Variants in ZBTB7C observed in about 807,000 individuals in gnomAD.
The protein encoded by ZBTB7C is zinc finger and BTB domain containing 7C.
Under a neutral mutation model 25.7 loss-of-function variants are expected in ZBTB7C, and 8 were observed. The ratio of observed to expected loss-of-function variants is 0.31; its 90% confidence interval spans 0.18 to 0.56. The LOEUF (loss-of-function observed/expected upper bound fraction) is 0.56. ZBTB7C is among the 20% of genes least tolerant of loss of function. The probability of loss-of-function intolerance (pLI) is 0.91; values close to 1 mark genes in which losing one functional copy is unlikely to be tolerated. For missense variants in ZBTB7C, 824 were observed against 855.2 expected, an observed-to-expected ratio of 0.96 and a Z score of 0.46; for synonymous variants, 394 against 369.0, an observed-to-expected ratio of 1.07 and a Z score of -0.78.
intron 3 of ZBTB7C, among the ~76,000 whole-genome samples, chr18:48,127,637 C>T (rs1312390524): frequency 1.3e-5 from 2 of 152,216 alleles, no homozygotes; most frequent in African/African-American, 2.4e-5. Flanking sequence ...CTGTTCTCCC[C>T]TCGGTTCTCC....
intron 2 of ZBTB7C, among the ~76,000 whole-genome samples, chr18:48,236,887 A>G (rs531045196): frequency 6.6e-6 from 1 of 152,340 alleles, no homozygotes; most frequent in African/African-American, 2.4e-5. Context: ...TAATATGGGA[A>G]TTAGTCATAA....
intron 2 of ZBTB7C, among the ~76,000 whole-genome samples, chr18:48,276,804 G>C (rs1220079376): frequency 1.1e-4 from 12 of 105,826 alleles, no homozygotes; most frequent in Non-Finnish European, 2.3e-4. Flanking sequence ...ATAGTCATTT[G>C]GGTATATACC....
chr18:48,063,331 C>G (rs1012164181), intron 3 of ZBTB7C, among the ~76,000 whole-genome samples: 1 of 152,240 alleles, frequency 6.6e-6, no homozygotes, highest in African/African-American at 2.4e-5. Context: ...CCCTTGAGGT[C>G]CTGTCCTGTC....
At chr18:48,388,602 A>G (rs535403622) in intron 1 of ZBTB7C, among the ~76,000 whole-genome samples, 2 of 152,330 alleles carry the variant, frequency 1.3e-5, no homozygotes, top group South Asian at 4.1e-4. Flanking sequence ...TTAAACTGAC[A>G]GCCAGGCGCG....
chr18:48,328,741 T>A (rs530739249), intron 2 of ZBTB7C, among the ~76,000 whole-genome samples: 2 of 151,978 alleles, frequency 1.3e-5, no homozygotes, highest in South Asian at 4.2e-4. Context: ...TTAAAATGAG[T>A]GTATTTTTAG....
chr18:48,041,598 T>G (rs2036243768), intron 3 of ZBTB7C: 3 of 957,932 alleles, frequency 3.1e-6, no homozygotes, highest in South Asian at 9.6e-5. Context: ...AGACTTACAC[T>G]TTGCACTGGC....
rs552616828 is a variant in ZBTB7C, at chr18:48,383,651, G to C, written c.-304+25575C>G. Among the ~76,000 whole-genome samples, 13 of 152,292 alleles carry C rather than the reference G, an allele frequency of 8.5e-5. No individual in the cohort carries two copies. The South Asian group carries it at 2.7e-3, about 32-fold the overall frequency. On this transcript the variant is annotated intron_variant, in intron 1 of 4. Coordinates refer to ENST00000590800, the MANE Select transcript of ZBTB7C (RefSeq NM_001318841.2). Reference sequence around the variant, plus strand: ...TTTCTTTTCATACTTTTTGATGTTTGGATTGCCTAAAATTAAATATTTAAG... The same window carrying C: ...TTTCTTTTCATACTTTTTGATGTTTCGATTGCCTAAAATTAAATATTTAAG...
chr18:48,085,817 C>A (rs374234542), intron 3 of ZBTB7C, among the ~76,000 whole-genome samples: 31 of 152,318 alleles, frequency 2.0e-4, no homozygotes, highest in African/African-American at 7.0e-4. Flanking sequence ...TCTTCAGAGA[C>A]CCCTCCCTGC....
chr18:48,295,660 T>C (rs1255209246), intron 2 of ZBTB7C, among the ~76,000 whole-genome samples: 1 of 152,074 alleles, frequency 6.6e-6, no homozygotes, highest in Non-Finnish European at 1.5e-5. Flanking sequence ...ACAAAGCTCA[T>C]TTTACTGGCC....
intron 1 of ZBTB7C, among the ~76,000 whole-genome samples, chr18:48,354,615 T>C (rs1200546645): frequency 2.0e-5 from 3 of 152,138 alleles, no homozygotes; most frequent in Non-Finnish European, 2.9e-5. Context: ...TCTCTATTCA[T>C]GTGGTTTTCA....
At chr18:48,138,930 T>C (rs1394851151) in intron 3 of ZBTB7C, among the ~76,000 whole-genome samples, 1 of 151,848 alleles carries the variant, frequency 6.6e-6, no homozygotes, top group Non-Finnish European at 1.5e-5. Flanking sequence ...TGGGTGGAGG[T>C]GGGGTGGGTG....
chr18:48,142,119 TA>T (rs2040367453), intron 3 of ZBTB7C, among the ~76,000 whole-genome samples: 1 of 152,252 alleles, frequency 6.6e-6, no homozygotes, highest in African/African-American at 2.4e-5. Context: ...CACTGTGTGT[TA>T]GGGGGGCAAC....
intron 2 of ZBTB7C, among the ~76,000 whole-genome samples, chr18:48,250,747 G>A (rs2043826796): frequency 6.6e-6 from 1 of 151,330 alleles, no homozygotes; most frequent in Non-Finnish European, 1.5e-5. Flanking sequence ...TCAGCTGACT[G>A]TCAGTCAGGA....
chr18:48,167,563 G>GGTGTGTGT (rs748451365), intron 3 of ZBTB7C, among the ~76,000 whole-genome samples: 12,768 of 142,388 alleles, frequency 0.09, 612 homozygotes, highest in Admixed American at 0.14. Flanking sequence ...GCATTGCTAG[G>GGTGTGTGT]GTGTGTGTGT....
intron 2 of ZBTB7C, among the ~76,000 whole-genome samples, chr18:48,313,908 A>G (rs961421323): frequency 6.6e-6 from 1 of 152,156 alleles, no homozygotes; most frequent in African/African-American, 2.4e-5. Flanking sequence ...CTTGGTGATG[A>G]GTGAGTTCTC....
chr18:48,210,037 G>A (rs998049051), intron 2 of ZBTB7C, among the ~76,000 whole-genome samples: 2 of 152,158 alleles, frequency 1.3e-5, no homozygotes, highest in African/African-American at 4.8e-5. Context: ...CTTCAAAGAA[G>A]ATATGCAAAT....
chr18:48,034,748 T>C (rs1457683459), intron 4 of ZBTB7C, among the ~76,000 whole-genome samples: 1 of 152,200 alleles, frequency 6.6e-6, no homozygotes, highest in Non-Finnish European at 1.5e-5. Context: ...GTCTGCCATC[T>C]CGTTCCATCT....
At chr18:48,065,939 G>T (rs1199915399) in intron 3 of ZBTB7C, among the ~76,000 whole-genome samples, 1 of 152,176 alleles carries the variant, frequency 6.6e-6, no homozygotes, top group Non-Finnish European at 1.5e-5. Context: ...GGACTTGCCA[G>T]CTCTGCCCTC....
At chr18:48,051,515 A>G (rs2036686073) in intron 3 of ZBTB7C, among the ~76,000 whole-genome samples, 1 of 151,856 alleles carries the variant, frequency 6.6e-6, no homozygotes, top group South Asian at 2.1e-4. Context: ...AAGCACTTTG[A>G]CCTCTTTGGT....
Sources: allele counts gnomAD v4.1 joint callset (sites outside exome capture counted in the v4.1 genomes callset), GRCh38; gene constraint gnomAD v4.1.1; transcripts MANE v1.5; gene names NCBI Gene and HGNC (gene_info 2026-07-23, HGNC 2026-07-21).